The following UBOX5 variants were observed in gnomAD, a reference collection of about 807,000 sequenced individuals.
UBOX5 encodes U-box domain containing 5, also known as RING finger protein 37.
In UBOX5, 28 loss-of-function variants were observed where a neutral mutation model predicts 39.0. That is an observed-to-expected ratio of 0.72 (90% CI 0.53 to 0.98). UBOX5 has a LOEUF of 0.98. UBOX5 is among the 50% of genes least tolerant of loss of function. UBOX5 has a pLI of 0.00. For missense variants in UBOX5, 585 were observed against 674.4 expected (o/e 0.87, Z 1.47); for synonymous variants, 283 against 275.5 (o/e 1.03, Z -0.27).
At chr20:3,131,579 G>A (rs1488200777) in intron 1 of UBOX5, among the ~76,000 whole-genome samples, 5 of 152,326 alleles carry the variant, frequency 3.3e-5, no homozygotes, top group African/African-American at 7.2e-5. Flanking sequence ...TGCAAGCCCT[G>A]TGCTAGGCAC....
At chr20:3,119,564 C>T (rs1299552317) in intron 3 of UBOX5, among the ~76,000 whole-genome samples, 1 of 152,202 alleles carries the variant, frequency 6.6e-6, no homozygotes, top group East Asian at 1.9e-4. Context: ...ATAAAAACAT[C>T]TATCTCAGGC....
chr20:3,152,885 G>A (rs920736012), intron 1 of UBOX5, among the ~76,000 whole-genome samples: 2 of 149,760 alleles, frequency 1.3e-5, no homozygotes, highest in African/African-American at 2.5e-5. Flanking sequence ...CAGCCTGGGC[G>A]AAAGAGCAAG....
At chr20:3,114,818 G>T (rs1197583761) in intron 4 of UBOX5, among the ~76,000 whole-genome samples, 1 of 152,012 alleles carries the variant, frequency 6.6e-6, no homozygotes, top group Non-Finnish European at 1.5e-5. Flanking sequence ...CATGGTGGCG[G>T]GCGCCTGTAA....
At chr20:3,127,132 G>A (rs1247045848) in intron 1 of UBOX5, among the ~76,000 whole-genome samples, 1 of 151,792 alleles carries the variant, frequency 6.6e-6, no homozygotes. Flanking sequence ...TGGAGAAGGA[G>A]GGAAGCCACT....
At chr20:3,152,872 T>C (rs1201018988) in intron 1 of UBOX5, among the ~76,000 whole-genome samples, 3 of 151,648 alleles carry the variant, frequency 2.0e-5, no homozygotes, top group African/African-American at 4.8e-5. Flanking sequence ...TACTACTGCA[T>C]TGCAGCCTGG....
At chr20:3,111,969 G>A (rs2066257055) in intron 4 of UBOX5, among the ~76,000 whole-genome samples, 2 of 152,186 alleles carry the variant, frequency 1.3e-5, no homozygotes, top group Non-Finnish European at 2.9e-5. Flanking sequence ...AAGTGTTCCT[G>A]CCTCCGCATC....
intron 1 of UBOX5, among the ~76,000 whole-genome samples, chr20:3,124,974 C>T (rs1479851868): frequency 1.1e-5 from 1 of 87,342 alleles, no homozygotes; most frequent in South Asian, 4.2e-4. Context: ...CGTCTGGGAA[C>T]TGAGGAGCGC....
intron 1 of UBOX5, among the ~76,000 whole-genome samples, chr20:3,125,566 C>T (rs553491686): frequency 1.9e-4 from 26 of 136,228 alleles, no homozygotes; most frequent in African/African-American, 6.7e-4. Context: ...CTCTGCCCGG[C>T]CGCCCATCGT....
At chr20:3,151,941 C>T (rs1343768926) in intron 1 of UBOX5, 5 of 151,368 alleles carry the variant, frequency 3.3e-5, no homozygotes, top group Non-Finnish European at 7.4e-5. Context: ...CCTATCTCTA[C>T]TACAAATACA....
chr20:3,126,639 G>T (rs192723942), intron 1 of UBOX5, among the ~76,000 whole-genome samples: 1 of 150,982 alleles, frequency 6.6e-6, no homozygotes, highest in Non-Finnish European at 1.5e-5. Flanking sequence ...AGGAGGAAGG[G>T]AGGGAGGGAG....
intron 1 of UBOX5, among the ~76,000 whole-genome samples, chr20:3,125,046 G>A (rs1212607874): frequency 6.9e-6 from 1 of 145,718 alleles, no homozygotes; most frequent in Admixed American, 6.9e-5. Flanking sequence ...CACCCCATCT[G>A]GTAAGTGAGG....
At chr20:3,115,199 T>C (rs1295224722) in intron 4 of UBOX5, 106 bp downstream of exon 4, 2 of 1,399,596 alleles carry the variant, frequency 1.4e-6, no homozygotes, top group African/African-American at 1.5e-5. Context: ...ACGGGGAGGC[T>C]GGCCAGGCAG....
chr20:3,157,781 G>T (rs1013955962), intron 1 of UBOX5, among the ~76,000 whole-genome samples: 1 of 152,170 alleles, frequency 6.6e-6, no homozygotes, highest in Non-Finnish European at 1.5e-5. Flanking sequence ...AATGGTCCAA[G>T]TACCTATAAC....
intron 1 of UBOX5, among the ~76,000 whole-genome samples, chr20:3,133,522 T>C (rs1298472319): frequency 6.6e-6 from 1 of 151,784 alleles, no homozygotes; most frequent in Non-Finnish European, 1.5e-5. Flanking sequence ...TGGAGACAGA[T>C]AATAATGGCA....
chr20:3,117,287 GCACACACACACACACACACA>G (rs11468015), intron 3 of UBOX5, among the ~76,000 whole-genome samples: 4 of 147,414 alleles, frequency 2.7e-5, no homozygotes, highest in South Asian at 2.1e-4. Flanking sequence ...ACCAAAGATG[GCACACACACACACACACACA>G]CACACACACA....
intron 1 of UBOX5, chr20:3,147,067 G>T: frequency 6.2e-7 from 1 of 1,614,204 alleles, no homozygotes; most frequent in Non-Finnish European, 8.5e-7. Context: ...CATTGCAAAG[G>T]AAGCCCCCCA....
rs6051595 is a variant in UBOX5 at position 3,133,759 on chromosome 20, G to A, written c.-41-10353C>T. Among the ~76,000 whole-genome samples, 321 of 150,252 alleles carry A rather than the reference G, an allele frequency of 2.1e-3. 1 individual carries two copies. The highest frequency in any genetic ancestry group is 0.018 in the East Asian group (93 of 5,144). The stretch of plus-strand genomic sequence containing the variant: ...TCTTTTTTTTTCTTATTTTTTTTGG[G>A]GGGGGGAAACAGGCTCTCACTCCCA... On this transcript the variant is annotated intron_variant, in intron 1 of 4. Transcript: ENST00000217173.
chr20:3,148,622 T>C (rs1373840545), intron 1 of UBOX5: 1 of 1,614,066 alleles, frequency 6.2e-7, no homozygotes, highest in East Asian at 2.2e-5. Context: ...AACTCTGACT[T>C]TGTGCAAAAT....
chr20:3,112,603 G>A (rs2066262027), intron 4 of UBOX5, among the ~76,000 whole-genome samples: 1 of 152,182 alleles, frequency 6.6e-6, no homozygotes, highest in South Asian at 2.1e-4. Flanking sequence ...ATAAAAAGGG[G>A]CCAGCCACAC....
Sources: gnomAD v4.1 joint callset for allele counts (sites outside exome capture counted in the v4.1 genomes callset) on GRCh38, gnomAD v4.1.1 for gene constraint, MANE v1.5 for transcripts, NCBI Gene and HGNC (gene_info 2026-07-23, HGNC 2026-07-21) for gene names.